Variants in CAMKMT observed in about 807,000 individuals in gnomAD.
CAMKMT encodes the protein calmodulin-lysine N-methyltransferase.
Under a neutral mutation model 48.0 loss-of-function variants are expected in CAMKMT, and 53 were observed. That is an observed-to-expected ratio of 1.10 (90% CI 0.89 to 1.39). CAMKMT has a LOEUF of 1.39. Ranked by LOEUF, CAMKMT falls within the 40% of genes most tolerant of loss-of-function variation. The pLI is 0.00. For synonymous variants in CAMKMT, 165 were observed against 152.3 expected, an observed-to-expected ratio of 1.08 and a Z score of -0.61; for missense variants, 428 against 402.7, an observed-to-expected ratio of 1.06 and a Z score of -0.54.
chr2:44,466,265 T>A (rs1203011981), intron 3 of CAMKMT, among the ~76,000 whole-genome samples: 1 of 152,170 alleles, frequency 6.6e-6, no homozygotes, highest in Admixed American at 6.5e-5. Context: ...CCAGTATAAA[T>A]CATGTTAGGC....
At chr2:44,486,019 C>T (rs767779168) in intron 3 of CAMKMT, among the ~76,000 whole-genome samples, 2 of 152,134 alleles carry the variant, frequency 1.3e-5, no homozygotes, top group South Asian at 2.1e-4. Flanking sequence ...GGCTTGAGTG[C>T]AGTGGTGCGG....
At chr2:44,515,108 C>T (rs1446523829) in intron 3 of CAMKMT, among the ~76,000 whole-genome samples, 2 of 152,166 alleles carry the variant, frequency 1.3e-5, no homozygotes, top group Non-Finnish European at 2.9e-5. Context: ...AAGCCAGTGG[C>T]TAGGGAAAGA....
intron 3 of CAMKMT, among the ~76,000 whole-genome samples, chr2:44,593,116 A>G (rs1028094869): frequency 6.6e-6 from 1 of 152,190 alleles, no homozygotes; most frequent in Non-Finnish European, 1.5e-5. Context: ...TGCTTTTAAG[A>G]TTTGTTAGGT....
At chr2:44,572,546 T>C (rs548771440) in intron 3 of CAMKMT, among the ~76,000 whole-genome samples, 3 of 152,374 alleles carry the variant, frequency 2.0e-5, no homozygotes, top group African/African-American at 7.2e-5. Context: ...GATGGACATT[T>C]AGGTTATTTC....
intron 3 of CAMKMT, among the ~76,000 whole-genome samples, chr2:44,598,171 A>C (rs1242856103): frequency 6.6e-6 from 1 of 152,108 alleles, no homozygotes; most frequent in Non-Finnish European, 1.5e-5. Context: ...TTAGATGAAA[A>C]TATTACTGTT....
intron 3 of CAMKMT, among the ~76,000 whole-genome samples, chr2:44,652,019 T>C (rs1674099927): frequency 1.3e-5 from 2 of 152,246 alleles, no homozygotes; most frequent in Non-Finnish European, 2.9e-5. Flanking sequence ...GTGCATTATA[T>C]GATTAATGGT....
intron 3 of CAMKMT, among the ~76,000 whole-genome samples, chr2:44,477,495 T>C (rs1668748410): frequency 6.6e-6 from 1 of 152,154 alleles, no homozygotes; most frequent in Admixed American, 6.5e-5. Context: ...AAACATAAAC[T>C]ACAGTAACTC....
chr2:44,565,728 C>T (rs1176538575), intron 3 of CAMKMT, among the ~76,000 whole-genome samples: 1 of 152,018 alleles, frequency 6.6e-6, no homozygotes, highest in Non-Finnish European at 1.5e-5. Flanking sequence ...ACAAAACTCC[C>T]CAGGTGATTT....
intron 3 of CAMKMT, among the ~76,000 whole-genome samples, chr2:44,477,843 G>C: frequency 6.6e-6 from 1 of 152,192 alleles, no homozygotes; most frequent in East Asian, 1.9e-4. Flanking sequence ...TACAGGTATA[G>C]GCTAAGCTTG....
chr2:44,667,909 C>T (rs1235017299), intron 3 of CAMKMT, among the ~76,000 whole-genome samples: 3 of 152,198 alleles, frequency 2.0e-5, no homozygotes, highest in African/African-American at 7.2e-5. Flanking sequence ...TATTTAGGTT[C>T]CATGCCCATG....
At chr2:44,708,169 G>A (rs190992764) in intron 6 of CAMKMT, among the ~76,000 whole-genome samples, 2 of 132,516 alleles carry the variant, frequency 1.5e-5, no homozygotes, top group East Asian at 2.6e-4. Context: ...GTTAACAGCT[G>A]TTAGAAACTG....
intron 3 of CAMKMT, among the ~76,000 whole-genome samples, chr2:44,635,568 A>G (rs1360223886): frequency 6.6e-6 from 1 of 152,210 alleles, no homozygotes; most frequent in African/African-American, 2.4e-5. Flanking sequence ...TACTTTGTAA[A>G]CTAGCAGGAA....
At chr2:44,563,295 C>CT (rs1343609624) in intron 3 of CAMKMT, among the ~76,000 whole-genome samples, 2 of 151,400 alleles carry the variant, frequency 1.3e-5, no homozygotes, top group East Asian at 1.9e-4. Context: ...TATAACCTGA[C>CT]TTTTTTTACT....
intron 3 of CAMKMT, among the ~76,000 whole-genome samples, chr2:44,502,187 C>G (rs1670041002): frequency 6.6e-6 from 1 of 152,060 alleles, no homozygotes; most frequent in Non-Finnish European, 1.5e-5. Context: ...CACCACTACA[C>G]TCCAGCCTGG....
At chr2:44,379,917 C>T (rs1390588835) in intron 2 of CAMKMT, among the ~76,000 whole-genome samples, 1 of 151,844 alleles carries the variant, frequency 6.6e-6, no homozygotes, top group African/African-American at 2.4e-5. Context: ...TTTCTCCTAG[C>T]CTGTGCATTT....
At chr2:44,502,767 A>G (rs1308407752) in intron 3 of CAMKMT, among the ~76,000 whole-genome samples, 2 of 152,190 alleles carry the variant, frequency 1.3e-5, no homozygotes, top group Non-Finnish European at 2.9e-5. Flanking sequence ...TCCCTTAAGG[A>G]AAGCTGATTT....
At chr2:44,379,058 C>T (rs1169718551) in intron 2 of CAMKMT, among the ~76,000 whole-genome samples, 1 of 152,208 alleles carries the variant, frequency 6.6e-6, no homozygotes, top group African/African-American at 2.4e-5. Context: ...TATACATTGG[C>T]TGTAACTCCC....
intron 3 of CAMKMT, among the ~76,000 whole-genome samples, chr2:44,550,150 A>C (rs1367276438): frequency 1.3e-5 from 2 of 152,190 alleles, no homozygotes; most frequent in African/African-American, 2.4e-5. Context: ...TTATAATCCC[A>C]TCACTCTGGG....
In CAMKMT at chr2:44,657,366, T is replaced by A. The variant is rs17032495; in HGVS notation, c.377-46917T>A. Among the ~76,000 whole-genome samples, 4,040 of 152,304 alleles carry A rather than the reference T, an allele frequency of 0.027. 190 individuals carry two copies. Among genetic ancestry groups the A allele is most frequent in the African/African-American group, 0.092 (3,822 of 41,556 alleles). ...AACCTGACTCATTTGGAGAGGGCTT[T>A]AAAAGTCTTAGCATTGAGGATCCCC... On this transcript the variant is annotated intron_variant, in intron 3 of 10. Transcript: ENST00000378494. This position sits in a 1 kb window ranked among gnomAD's most constrained non-coding sequence, Gnocchi z 4.3.
Sources: gnomAD v4.1 joint callset for allele counts (sites outside exome capture counted in the v4.1 genomes callset) on GRCh38, gnomAD v4.1.1 for gene constraint, Gnocchi (gnomAD v3.1) non-coding constraint, MANE v1.5 for transcripts, NCBI Gene and HGNC (gene_info 2026-07-23, HGNC 2026-07-21) for gene names.